Variants in PEBP4 observed in about 807,000 individuals in gnomAD.
The protein encoded by PEBP4 is phosphatidylethanolamine-binding protein 4.
A neutral mutation model predicts 23.9 loss-of-function variants in PEBP4; 22 were observed. The observed-to-expected ratio is 0.92, with a 90% CI of 0.66 to 1.31. The LOEUF (loss-of-function observed/expected upper bound fraction) is 1.31. Ranked by LOEUF, PEBP4 falls within the 40% of genes most tolerant of loss-of-function variation. PEBP4 has a pLI of 0.00. For synonymous variants in PEBP4, 112 were observed against 99.3 expected, an observed-to-expected ratio of 1.13 and a Z score of -0.76; for missense variants, 324 against 281.7, an observed-to-expected ratio of 1.15 and a Z score of -1.07.
At chr8:22,831,247 C>A (rs768223255) in intron 3 of PEBP4, among the ~76,000 whole-genome samples, 1 of 152,154 alleles carries the variant, frequency 6.6e-6, no homozygotes, top group East Asian at 1.9e-4. Flanking sequence ...ATCATCCTTG[C>A]ATTTCTTTCC....
intron 3 of PEBP4, among the ~76,000 whole-genome samples, chr8:22,829,756 C>T (rs1807041833): frequency 1.3e-5 from 2 of 152,168 alleles, no homozygotes; most frequent in Admixed American, 1.3e-4. Flanking sequence ...AAGACACCTT[C>T]CTTGGCCCCA....
chr8:22,726,271 G>A (rs1804622195), intron 5 of PEBP4, among the ~76,000 whole-genome samples: 2 of 152,228 alleles, frequency 1.3e-5, no homozygotes, highest in Admixed American at 1.3e-4. Flanking sequence ...CTCCTCGTGT[G>A]CTTAGGTATG....
intron 3 of PEBP4, among the ~76,000 whole-genome samples, chr8:22,867,725 C>G (rs1032633180): frequency 1.3e-5 from 2 of 152,156 alleles, no homozygotes; most frequent in Non-Finnish European, 2.9e-5. Context: ...GAGTTCCAAG[C>G]TGGAAATAGA....
intron 4 of PEBP4, chr8:22,756,003 C>T (rs532632167): frequency 8.5e-5 from 13 of 152,330 alleles, no homozygotes; most frequent in African/African-American, 2.9e-4. Flanking sequence ...GGGGACACAA[C>T]TAAAGGTGCT....
At chr8:22,822,800 G>A (rs1344456214) in intron 3 of PEBP4, among the ~76,000 whole-genome samples, 1 of 151,856 alleles carries the variant, frequency 6.6e-6, no homozygotes, top group Non-Finnish European at 1.5e-5. Context: ...CACAAAAGAA[G>A]GAAACTTGGA....
chr8:22,830,980 A>T (rs1807073803), intron 3 of PEBP4, among the ~76,000 whole-genome samples: 1 of 152,222 alleles, frequency 6.6e-6, no homozygotes, highest in Admixed American at 6.5e-5. Flanking sequence ...GTGTTCTACA[A>T]GGTGTTGCAC....
At chr8:22,907,334 A>G (rs1355926207) in intron 3 of PEBP4, among the ~76,000 whole-genome samples, 1 of 152,158 alleles carries the variant, frequency 6.6e-6, no homozygotes, top group Admixed American at 6.6e-5. Flanking sequence ...CAACATGGTG[A>G]AACCCTGTCT....
chr8:22,855,868 C>G lies in PEBP4; in HGVS notation c.259-38133G>C, dbSNP rs139060584. 9.9e-5 allele frequency among the ~76,000 whole-genome samples: 15 copies of G among 151,856 alleles called. No individual in the cohort carries two copies. In the East Asian group the frequency reaches 2.9e-3, roughly 29 times the overall value. On this transcript the variant is annotated intron_variant, in intron 3 of 6. Coordinates refer to ENST00000256404, the MANE Select transcript of PEBP4 (RefSeq NM_144962.3). ...CCAGCCTAGACAACAAAGTGAGACC[C>G]CATTTTTACAAAAAAATTTTAAAAA...
chr8:22,895,210 T>C (rs909859144), intron 3 of PEBP4, among the ~76,000 whole-genome samples: 5 of 152,188 alleles, frequency 3.3e-5, no homozygotes, highest in Non-Finnish European at 7.4e-5. Context: ...TATGGTTCTG[T>C]TCACTCAGTG....
chr8:22,832,978 C>T (rs1307935232), intron 3 of PEBP4, among the ~76,000 whole-genome samples: 1 of 152,190 alleles, frequency 6.6e-6, no homozygotes, highest in Non-Finnish European at 1.5e-5. Context: ...CCCCGTGCCC[C>T]AGAGCCCACC....
chr8:22,938,498 C>T (rs1423187841), intron 1 of PEBP4, among the ~76,000 whole-genome samples: 2 of 148,752 alleles, frequency 1.3e-5, no homozygotes, highest in Admixed American at 1.3e-4. Flanking sequence ...TAGTATCTGG[C>T]CATTTTTGTT....
chr8:22,850,892 C>T (rs1807537302), intron 3 of PEBP4, among the ~76,000 whole-genome samples: 1 of 152,210 alleles, frequency 6.6e-6, no homozygotes, highest in African/African-American at 2.4e-5. Context: ...GACTTGGGTT[C>T]AGACACGGCT....
intron 4 of PEBP4, among the ~76,000 whole-genome samples, chr8:22,811,798 G>C (rs373539853): frequency 5.3e-5 from 8 of 152,358 alleles, no homozygotes; most frequent in African/African-American, 1.9e-4. Context: ...GGCTGGGCCT[G>C]GACTCATCTA....
chr8:22,909,128 C>T (rs1456392111), intron 3 of PEBP4, among the ~76,000 whole-genome samples: 1 of 152,188 alleles, frequency 6.6e-6, no homozygotes, highest in African/African-American at 2.4e-5. Context: ...TCAGCCAGCT[C>T]ACAGGTTCCT....
In PEBP4 at chr8:22,865,555, G is replaced by A. The variant is rs376305139; in HGVS notation, c.259-47820C>T. Among the ~76,000 whole-genome samples, 1 of 152,284 alleles carries A rather than the reference G, an allele frequency of 6.6e-6. No homozygotes were observed. Among genetic ancestry groups the A allele is most frequent in the East Asian group, 1.9e-4 (1 of 5,152 alleles). Reference sequence around the variant, plus strand: ...AGGCAAGGCGCTGCTGCCGGTGCCGGTGCCGCAGCCGCCGGGGAAGGAATT... The same window carrying A: ...AGGCAAGGCGCTGCTGCCGGTGCCGATGCCGCAGCCGCCGGGGAAGGAATT... On this transcript the variant is annotated intron_variant, in intron 3 of 6. Coordinates refer to ENST00000256404, the MANE Select transcript of PEBP4 (RefSeq NM_144962.3). The surrounding 1 kb of genome is among the most constrained non-coding windows in gnomAD (Gnocchi z 6.9).
intron 4 of PEBP4, among the ~76,000 whole-genome samples, chr8:22,809,893 C>G (rs571295124): frequency 6.6e-6 from 1 of 152,352 alleles, no homozygotes; most frequent in East Asian, 1.9e-4. Flanking sequence ...AGGGGCACAC[C>G]TTACAGGTCA....
chr8:22,777,583 G>A (rs1337539343), intron 4 of PEBP4, among the ~76,000 whole-genome samples: 2 of 152,180 alleles, frequency 1.3e-5, no homozygotes, highest in Non-Finnish European at 2.9e-5. Context: ...CCCCCTGGCT[G>A]CCAGCCTGCT....
At chr8:22,840,368 G>T (rs1807298781) in intron 3 of PEBP4, among the ~76,000 whole-genome samples, 1 of 150,554 alleles carries the variant, frequency 6.6e-6, no homozygotes, top group South Asian at 2.1e-4. Flanking sequence ...AAAAGAACAT[G>T]GTTCTTTTCT....
intron 4 of PEBP4, among the ~76,000 whole-genome samples, chr8:22,750,657 C>G (rs1344932688): frequency 3.3e-5 from 5 of 152,114 alleles, no homozygotes; most frequent in African/African-American, 1.2e-4. Flanking sequence ...TATTCTCATC[C>G]TTGTGATTGC....
Sources: allele counts gnomAD v4.1 joint callset (sites outside exome capture counted in the v4.1 genomes callset), GRCh38; gene constraint gnomAD v4.1.1; non-coding constraint Gnocchi (gnomAD v3.1); transcripts MANE v1.5; gene names NCBI Gene and HGNC (gene_info 2026-07-23, HGNC 2026-07-21).